PCDH11X: variants seen among roughly 807,000 people sequenced by gnomAD.
PCDH11X encodes the protein protocadherin 11 X-linked.
In PCDH11X, 18 loss-of-function variants were observed where a neutral mutation model predicts 53.3. The ratio of observed to expected loss-of-function variants is 0.34; its 90% CI spans 0.23 to 0.50. The LOEUF is 0.50. Among genes scored for constraint, PCDH11X ranks in the 20% least tolerant of loss-of-function variants. PCDH11X has a pLI of 0.98. For missense variants in PCDH11X, 570 were observed against 1,032.4 expected (o/e 0.55, Z 6.14); for synonymous variants, 279 against 393.3 (o/e 0.71, Z 3.44).
At chrX:92,617,939 AAGCCATATTTC>A (rs1411351559) in intron 10 of PCDH11X, among the ~76,000 whole-genome samples, 84 of 111,214 alleles carry the variant, frequency 7.6e-4, no homozygotes, top group Admixed American at 3.2e-3. Flanking sequence ...TGCTAGTTAG[AAGCCATATTTC>A]AGCTGACTTG....
intron 8 of PCDH11X, among the ~76,000 whole-genome samples, chrX:92,320,277 T>G (rs1400339930): frequency 1.8e-5 from 2 of 111,011 alleles, no homozygotes; most frequent in Non-Finnish European, 3.8e-5. Flanking sequence ...TGCCTCTGAG[T>G]TTTTCATCTG....
intron 6 of PCDH11X, among the ~76,000 whole-genome samples, chrX:92,121,003 ATTCTC>A (rs1249682663): frequency 5.2e-4 from 57 of 109,342 alleles, no homozygotes; most frequent in African/African-American, 1.8e-3. Context: ...ACTATGTTTT[ATTCTC>A]TTAGTAGTAT....
chrX:92,425,084 G>T (rs567083688), intron 9 of PCDH11X, among the ~76,000 whole-genome samples: 1 of 74,508 alleles, frequency 1.3e-5, no homozygotes, highest in South Asian at 4.6e-4. Flanking sequence ...TTTCAGCAGT[G>T]GCTCCTGGGA....
intron 8 of PCDH11X, among the ~76,000 whole-genome samples, chrX:92,378,165 G>T (rs1366364101): frequency 6.0e-5 from 6 of 99,573 alleles, no homozygotes; most frequent in Admixed American, 1.1e-4. Context: ...AATTTAGAAA[G>T]ATATTTTTGT....
At position 92,288,986 on chromosome X, in the gene PCDH11X, C is replaced by A. The variant is rs1040041469; in HGVS notation, c.3144+25843C>A. 2.7e-5 allele frequency among the ~76,000 whole-genome samples: 3 copies of A among 111,395 alleles called. No individual in the cohort carries two copies. In the Admixed American group the frequency reaches 2.9e-4, roughly 11 times the overall value. On this transcript the variant is annotated intron_variant, in intron 8 of 10. Transcript: ENST00000682573. ...TTCTATTTATTTAAGAATTATGAAT[C>A]ATCAGCTAAAATACTGAAAATATTT...
intron 6 of PCDH11X, chrX:91,982,602 G>A: frequency 1.5e-6 from 1 of 670,300 alleles, no homozygotes; most frequent in Non-Finnish European, 2.4e-6. Context: ...AATTCTGAAG[G>A]TAGCTATGCT....
chrX:92,197,516 AGGGTCATGCTTTCTTTTAAGGAAAT>A (rs2066311656), intron 6 of PCDH11X, among the ~76,000 whole-genome samples: 1 of 112,034 alleles, frequency 8.9e-6, no homozygotes, highest in Non-Finnish European at 1.9e-5. Context: ...TTCCACAGTA[AGGGTCATGCTTTCTTTTAAGGAAAT>A]AAGAATGAAA....
intron 5 of PCDH11X, among the ~76,000 whole-genome samples, chrX:91,846,875 AACTG>A (rs1345328622): frequency 2.7e-5 from 3 of 110,902 alleles, no homozygotes; most frequent in African/African-American, 9.8e-5. Flanking sequence ...CCTCACAAAT[AACTG>A]ACTGCATAAC....
intron 8 of PCDH11X, among the ~76,000 whole-genome samples, chrX:92,316,394 G>A (rs867630536): frequency 6.4e-5 from 7 of 109,301 alleles, no homozygotes; most frequent in Non-Finnish European, 1.1e-4. Flanking sequence ...TAAACAGTTC[G>A]TCAAAACTTA....
At chrX:91,814,294 A>G (rs904271136) in intron 4 of PCDH11X, among the ~76,000 whole-genome samples, 2 of 111,466 alleles carry the variant, frequency 1.8e-5, no homozygotes, top group Admixed American at 9.6e-5. Flanking sequence ...AACCAATCAT[A>G]ATATCTATAG....
intron 10 of PCDH11X, among the ~76,000 whole-genome samples, chrX:92,493,898 C>A (rs369634950): frequency 2.7e-5 from 3 of 109,922 alleles, no homozygotes; most frequent in Admixed American, 1.9e-4. Context: ...CCAACCGCCT[C>A]GGCCTCCCGA....
intron 6 of PCDH11X, among the ~76,000 whole-genome samples, chrX:92,053,801 C>T (rs1263908931): frequency 9.0e-6 from 1 of 110,772 alleles, no homozygotes; most frequent in African/African-American, 3.3e-5. Context: ...GAACTCCTGA[C>T]CTCGTGATCC....
intron 10 of PCDH11X, among the ~76,000 whole-genome samples, chrX:92,617,537 A>G (rs1455533021): frequency 9.0e-6 from 1 of 110,512 alleles, no homozygotes; most frequent in Non-Finnish European, 1.9e-5. Context: ...ATATAGATAT[A>G]GTAACTCCAT....
chrX:91,886,908 T>C (rs1940237646), intron 6 of PCDH11X, among the ~76,000 whole-genome samples: 1 of 102,922 alleles, frequency 9.7e-6, no homozygotes, highest in African/African-American at 3.6e-5. Flanking sequence ...GAGGCGGAGC[T>C]TGCAGTGAGC....
At chrX:92,164,393 A>T (rs1371550142) in intron 6 of PCDH11X, among the ~76,000 whole-genome samples, 1 of 112,244 alleles carries the variant, frequency 8.9e-6, no homozygotes, top group Non-Finnish European at 1.9e-5. Context: ...GCCCTAAGAT[A>T]AGTATTTCTT....
intron 8 of PCDH11X, among the ~76,000 whole-genome samples, chrX:92,306,793 C>G (rs1019206910): frequency 1.8e-5 from 2 of 110,743 alleles, no homozygotes; most frequent in African/African-American, 6.6e-5. Context: ...TACACACACA[C>G]ACACAAATTA....
intron 6 of PCDH11X, among the ~76,000 whole-genome samples, chrX:92,161,051 T>C (rs1266119132): frequency 9.0e-6 from 1 of 111,045 alleles, no homozygotes; most frequent in Non-Finnish European, 1.9e-5. Context: ...TTGAGTTCCT[T>C]GTAGATTCTG....
chrX:92,200,883 CTTTATTTTATTTTATTTTAT>C (rs72033591), intron 6 of PCDH11X, among the ~76,000 whole-genome samples: 110 of 91,855 alleles, frequency 1.2e-3, no homozygotes, highest in Non-Finnish European at 1.9e-3. Flanking sequence ...TATTTTTTAT[CTTTATTTTATTTTATTTTAT>C]TTTATTTTAT....
chrX:92,589,881 G>A (rs1222371941), intron 10 of PCDH11X, among the ~76,000 whole-genome samples: 1 of 111,733 alleles, frequency 8.9e-6, no homozygotes, highest in Non-Finnish European at 1.9e-5. Context: ...AGTCTAGGCT[G>A]AGGAGAGGAG....
Sources: allele counts gnomAD v4.1 joint callset (sites outside exome capture counted in the v4.1 genomes callset), GRCh38; gene constraint gnomAD v4.1.1; transcripts MANE v1.5; gene names NCBI Gene and HGNC (gene_info 2026-07-23, HGNC 2026-07-21).